Variants in RTL4 observed in about 807,000 individuals in gnomAD.
The protein encoded by RTL4 is retrotransposon Gag like 4, also known as retrotransposon Gag-like protein 4.
RTL4 carries 4 observed loss-of-function variants against 5.3 expected under a neutral mutation model. The ratio of observed to expected loss-of-function variants is 0.75; its 90% CI spans 0.37 to 1.72. The LOEUF (loss-of-function observed/expected upper bound fraction) is 1.72. Ranked by LOEUF, RTL4 falls within the 40% of genes most tolerant of loss-of-function variation. The probability of loss-of-function intolerance (pLI) is 0.04; values close to 1 mark genes in which losing one functional copy is unlikely to be tolerated. For synonymous variants in RTL4, 98 were observed against 87.3 expected, an observed-to-expected ratio of 1.12 and a Z score of -0.68; for missense variants, 260 against 227.1, an observed-to-expected ratio of 1.14 and a Z score of -0.93.
the RTL4 span, among the ~76,000 whole-genome samples, chrX:112,393,153 T>A: frequency 3.2e-5 from 3 of 94,059 alleles, no homozygotes; most frequent in African/African-American, 1.7e-4. Flanking sequence ...CTTTCTTTTT[T>A]TTTTTTTGTT....
chrX:112,241,314 G>A, the RTL4 span, among the ~76,000 whole-genome samples: 1 of 111,574 alleles, frequency 9.0e-6, no homozygotes, highest in Non-Finnish European at 1.9e-5. Flanking sequence ...CACCAACAGT[G>A]TAAAAGTGTT....
chrX:112,118,073 A>G, the RTL4 span, among the ~76,000 whole-genome samples: 1 of 112,078 alleles, frequency 8.9e-6, no homozygotes, highest in Non-Finnish European at 1.9e-5. Flanking sequence ...ATTAATTGAG[A>G]GAACAAGTTC....
chrX:112,316,172 A>G, the RTL4 span, among the ~76,000 whole-genome samples: 1 of 111,930 alleles, frequency 8.9e-6, no homozygotes, highest in Non-Finnish European at 1.9e-5. Flanking sequence ...TGACTATTTT[A>G]ATTTGCATAT....
the RTL4 span, among the ~76,000 whole-genome samples, chrX:112,232,408 A>G: frequency 8.9e-6 from 1 of 112,445 alleles, no homozygotes; most frequent in African/African-American, 3.2e-5. Flanking sequence ...TATCAAAGTA[A>G]TGTTCAAATG....
At chrX:112,335,437 A>C in the RTL4 span, among the ~76,000 whole-genome samples, 1 of 111,592 alleles carries the variant, frequency 9.0e-6, no homozygotes, top group Non-Finnish European at 1.9e-5. Flanking sequence ...AAAATCATTC[A>C]TTTTTAGCTT....
At chrX:112,238,062 A>G in the RTL4 span, among the ~76,000 whole-genome samples, 1 of 112,177 alleles carries the variant, frequency 8.9e-6, no homozygotes, top group Non-Finnish European at 1.9e-5. Flanking sequence ...CTTAAAAAAT[A>G]CAGAAAAGTG....
the RTL4 span, among the ~76,000 whole-genome samples, chrX:112,389,279 T>C: frequency 2.0e-4 from 22 of 109,035 alleles, no homozygotes; most frequent in African/African-American, 5.7e-4. Context: ...ACTTAGATCT[T>C]CTTTTTTTCT....
At chrX:112,351,781 T>C in the RTL4 span, among the ~76,000 whole-genome samples, 1 of 111,584 alleles carries the variant, frequency 9.0e-6, no homozygotes, top group East Asian at 2.8e-4. Context: ...GAGATGGGTT[T>C]CCTGAATACA....
the RTL4 span, among the ~76,000 whole-genome samples, chrX:112,273,310 G>C: frequency 2.8e-5 from 3 of 107,646 alleles, no homozygotes; most frequent in Admixed American, 1.0e-4. Context: ...CTGGAGTGCA[G>C]TGGCGTAATC....
chrX:112,360,114 T>A, the RTL4 span, among the ~76,000 whole-genome samples: 3 of 111,448 alleles, frequency 2.7e-5, no homozygotes, highest in African/African-American at 9.8e-5. Flanking sequence ...CTGAACCTCA[T>A]TGTCTCATTT....
At chrX:112,120,549 TA>T in the RTL4 span, among the ~76,000 whole-genome samples, 3 of 108,059 alleles carry the variant, frequency 2.8e-5, no homozygotes, top group Admixed American at 9.9e-5. Flanking sequence ...GTTCTGGGAT[TA>T]ACAGGCGTGA....
chrX:112,144,072 T>C, the RTL4 span, among the ~76,000 whole-genome samples: 11 of 112,118 alleles, frequency 9.8e-5, no homozygotes, highest in Admixed American at 1.0e-3. Flanking sequence ...TTCTTGTTAA[T>C]CTTAAATATT....
chrX:112,392,211 A>T, the RTL4 span, among the ~76,000 whole-genome samples: 2 of 112,269 alleles, frequency 1.8e-5, no homozygotes, highest in Non-Finnish European at 3.8e-5. Context: ...AGGGAGTTAC[A>T]GAGCTGCTAC....
chrX:112,263,737 G>A, the RTL4 span, among the ~76,000 whole-genome samples: 1 of 111,244 alleles, frequency 9.0e-6, no homozygotes, highest in African/African-American at 3.3e-5. Flanking sequence ...TTGTGTAAGG[G>A]AGCAAATTTG....
At chrX:112,364,773 A>G in the RTL4 span, among the ~76,000 whole-genome samples, 3 of 111,982 alleles carry the variant, frequency 2.7e-5, no homozygotes, top group Non-Finnish European at 5.7e-5. Flanking sequence ...AATATAATGA[A>G]CTAGGTTAAA....
At chrX:112,402,732 C>T in the RTL4 span, among the ~76,000 whole-genome samples, 2 of 110,667 alleles carry the variant, frequency 1.8e-5, no homozygotes, top group Non-Finnish European at 3.8e-5. Context: ...ACCTTGATGG[C>T]TTAGGAATAA....
At chrX:112,103,886 T>C in the RTL4 span, among the ~76,000 whole-genome samples, 1 of 111,551 alleles carries the variant, frequency 9.0e-6, no homozygotes, top group African/African-American at 3.3e-5. Flanking sequence ...ACCTCATATA[T>C]GTATCAATTT....
the RTL4 span, among the ~76,000 whole-genome samples, chrX:112,315,318 T>A: frequency 2.5e-4 from 28 of 111,159 alleles, 2 homozygotes; most frequent in African/African-American, 8.8e-4. Context: ...GCAAAGCCCA[T>A]GGTTACACTG....
At chrX:112,419,012 C>CA in the RTL4 span, among the ~76,000 whole-genome samples, 8 of 86,802 alleles carry the variant, frequency 9.2e-5, no homozygotes, top group South Asian at 1.2e-3. Context: ...CTTGGAATGG[C>CA]AAAAAAAATT....
Sources: gnomAD v4.1 joint callset for allele counts (sites outside exome capture counted in the v4.1 genomes callset) on GRCh38, gnomAD v4.1.1 for gene constraint, MANE v1.5 for transcripts, NCBI Gene and HGNC (gene_info 2026-07-23, HGNC 2026-07-21) for gene names.